The following UNC5C variants were observed in gnomAD, a reference collection of about 807,000 sequenced individuals.
UNC5C encodes the protein unc-5 netrin receptor C, also known as netrin receptor UNC5C.
A neutral mutation model predicts 99.8 loss-of-function variants in UNC5C; 47 were observed. The ratio of observed to expected loss-of-function variants is 0.47; its 90% CI spans 0.37 to 0.60. UNC5C has a LOEUF of 0.60. Ranked by LOEUF, UNC5C falls within the 20% of genes least tolerant of loss-of-function variation. The probability of loss-of-function intolerance (pLI) is 0.00; values close to 1 mark genes in which losing one functional copy is unlikely to be tolerated. For missense variants in UNC5C, 1,062 were observed against 1,165.9 expected (o/e 0.91, Z 1.30); for synonymous variants, 487 against 452.2 (o/e 1.08, Z -0.98).
chr4:95,197,947 T>C (rs1323743197), intron 12 of UNC5C, among the ~76,000 whole-genome samples: 1 of 149,046 alleles, frequency 6.7e-6, no homozygotes, highest in Non-Finnish European at 1.5e-5. Context: ...GTTTTTGGAC[T>C]GGGAAACTGC....
intron 1 of UNC5C, among the ~76,000 whole-genome samples, chr4:95,409,407 A>C (rs759219140): frequency 6.6e-6 from 1 of 152,180 alleles, no homozygotes; most frequent in Non-Finnish European, 1.5e-5. Context: ...CACATTCTTA[A>C]CTCCAAATTC....
chr4:95,428,742 C>T (rs990266671), intron 1 of UNC5C, among the ~76,000 whole-genome samples: 1 of 152,136 alleles, frequency 6.6e-6, no homozygotes, highest in Non-Finnish European at 1.5e-5. Flanking sequence ...GTTTCAGGCA[C>T]CAAAAGAACT....
intron 1 of UNC5C, among the ~76,000 whole-genome samples, chr4:95,448,130 C>T (rs928803419): frequency 2.0e-4 from 30 of 150,722 alleles, no homozygotes; most frequent in African/African-American, 6.4e-4. Flanking sequence ...TATGTCAGGG[C>T]GGGGCTGAGA....
At chr4:95,351,978 C>T (rs572796372) in intron 1 of UNC5C, among the ~76,000 whole-genome samples, 11 of 152,176 alleles carry the variant, frequency 7.2e-5, no homozygotes, top group East Asian at 3.9e-4. Context: ...CCTATGTCTT[C>T]GACCTTTCCC....
intron 4 of UNC5C, among the ~76,000 whole-genome samples, chr4:95,263,056 C>A (rs1740305868): frequency 6.6e-6 from 1 of 152,106 alleles, no homozygotes; most frequent in Non-Finnish European, 1.5e-5. Context: ...CTCAGTTGAT[C>A]CACCTGCCTC....
chr4:95,257,698 C>T (rs1420701351), intron 4 of UNC5C, among the ~76,000 whole-genome samples: 1 of 152,174 alleles, frequency 6.6e-6, no homozygotes, highest in African/African-American at 2.4e-5. Context: ...AGGTAAGTTG[C>T]TAAAAATTCC....
At chr4:95,480,462 A>G (rs1721104046) in intron 1 of UNC5C, among the ~76,000 whole-genome samples, 1 of 151,944 alleles carries the variant, frequency 6.6e-6, no homozygotes, top group East Asian at 1.9e-4. Context: ...TATACATAAT[A>G]GAATCTTGTG....
At chr4:95,300,973 G>T (rs539600414) in intron 3 of UNC5C, among the ~76,000 whole-genome samples, 6 of 152,172 alleles carry the variant, frequency 3.9e-5, no homozygotes, top group Non-Finnish European at 7.4e-5. Context: ...AACACAAAAG[G>T]ATAAATGCCA....
chr4:95,343,514 C>T (rs189204972), intron 1 of UNC5C, among the ~76,000 whole-genome samples: 208 of 152,158 alleles, frequency 1.4e-3, no homozygotes, highest in African/African-American at 4.7e-3. Context: ...GATTACAACT[C>T]TTCAATGCAC....
chr4:95,237,416 AT>A (rs1739160289), intron 7 of UNC5C, among the ~76,000 whole-genome samples: 1 of 152,176 alleles, frequency 6.6e-6, no homozygotes, highest in Admixed American at 6.6e-5. Context: ...AACATTTAGC[AT>A]TATTATATCT....
At chr4:95,513,817 T>C (rs1230044436) in intron 1 of UNC5C, among the ~76,000 whole-genome samples, 2 of 152,194 alleles carry the variant, frequency 1.3e-5, no homozygotes, top group African/African-American at 4.8e-5. Flanking sequence ...TCAACCATCA[T>C]GACAAGTCTC....
At chr4:95,291,226 T>C (rs950889224) in intron 3 of UNC5C, among the ~76,000 whole-genome samples, 1 of 151,918 alleles carries the variant, frequency 6.6e-6, no homozygotes, top group Non-Finnish European at 1.5e-5. Flanking sequence ...AGAAAAAAAA[T>C]GATTATATGT....
chr4:95,527,694 G>C (rs941243118), intron 1 of UNC5C, among the ~76,000 whole-genome samples: 2 of 152,008 alleles, frequency 1.3e-5, no homozygotes. Context: ...CAAATGAAAA[G>C]AATGCAATTT....
chr4:95,315,869 G>A (rs1238694655), intron 2 of UNC5C, among the ~76,000 whole-genome samples: 1 of 152,098 alleles, frequency 6.6e-6, no homozygotes. Context: ...ATTACACAGA[G>A]AGTATACATA....
At chr4:95,214,882 G>A (rs887632032) in intron 10 of UNC5C, among the ~76,000 whole-genome samples, 1 of 152,206 alleles carries the variant, frequency 6.6e-6, no homozygotes, top group East Asian at 1.9e-4. Context: ...TTGAGGGCCT[G>A]TGAATGTTGC....
At chr4:95,481,809 T>G (rs995676102) in intron 1 of UNC5C, among the ~76,000 whole-genome samples, 6 of 152,088 alleles carry the variant, frequency 3.9e-5, no homozygotes, top group African/African-American at 1.2e-4. Context: ...TAGCCATATG[T>G]AGAAAGCTGA....
Position 95,251,477 on chromosome 4 carries a change from A to G in UNC5C, c.595-810T>C, listed in dbSNP as rs544519186. Among the ~76,000 whole-genome samples the G allele has an allele frequency of 3.9e-5, 6 of 152,338 alleles. No homozygotes were observed. In the South Asian group the frequency reaches 1.2e-3, roughly 32 times the overall value. On this transcript the variant is annotated intron_variant, in intron 4 of 15. Coordinates refer to ENST00000453304, the MANE Select transcript of UNC5C (RefSeq NM_003728.4). ...TTTTCTATGTGAATAATATTAATGT[A>G]GTAATAGTGATGTTATACTTGCTGA...
intron 2 of UNC5C, among the ~76,000 whole-genome samples, chr4:95,305,405 T>C (rs2149405663): frequency 6.6e-6 from 1 of 152,304 alleles, no homozygotes; most frequent in South Asian, 2.1e-4. Context: ...TTTTTCTCTT[T>C]GAACCTATAA....
intron 1 of UNC5C, among the ~76,000 whole-genome samples, chr4:95,468,584 G>T (rs1055842310): frequency 3.3e-5 from 5 of 152,146 alleles, no homozygotes; most frequent in Admixed American, 2.6e-4. Context: ...GAGGCTTGAT[G>T]GCTCTCAGGA....
Sources: gnomAD v4.1 joint callset for allele counts (sites outside exome capture counted in the v4.1 genomes callset) on GRCh38, gnomAD v4.1.1 for gene constraint, MANE v1.5 for transcripts, NCBI Gene and HGNC (gene_info 2026-07-23, HGNC 2026-07-21) for gene names.